The following PEAK1 variants were observed in gnomAD, a reference collection of about 807,000 sequenced individuals.
The protein encoded by PEAK1 is pseudopodium enriched atypical kinase 1, also known as inactive tyrosine-protein kinase PEAK1.
A neutral mutation model predicts 124.7 loss-of-function variants in PEAK1; 54 were observed. The observed-to-expected ratio is 0.43, with a 90% confidence interval of 0.35 to 0.54. The LOEUF (loss-of-function observed/expected upper bound fraction) is 0.54, where lower values mean the gene tolerates loss of function less well. Among genes scored for constraint, PEAK1 ranks in the 20% least tolerant of loss-of-function variants. The pLI is 0.01. For missense variants in PEAK1, 2,046 were observed against 2,134.5 expected (o/e 0.96, Z 0.82); for synonymous variants, 719 against 760.0 (o/e 0.95, Z 0.89).
intron 1 of PEAK1, chr15:77,417,609 G>A (rs1245213132): frequency 1.0e-6 from 1 of 985,206 alleles, no homozygotes; most frequent in Non-Finnish European, 1.2e-6. Flanking sequence ...GCATGCCAGG[G>A]GCCACAGTTT....
chr15:77,320,787 T>C (rs2065156813), intron 2 of PEAK1, among the ~76,000 whole-genome samples: 1 of 152,070 alleles, frequency 6.6e-6, no homozygotes, highest in South Asian at 2.1e-4. Context: ...ATTAGGTACA[T>C]CTCCTAATGC....
At chr15:77,265,170 A>C (rs1482886753) in intron 5 of PEAK1, among the ~76,000 whole-genome samples, 3 of 151,682 alleles carry the variant, frequency 2.0e-5, no homozygotes, top group Admixed American at 2.0e-4. Flanking sequence ...AAACCCAGGC[A>C]TTACCATTCA....
At position 77,181,628 on chromosome 15, in the gene PEAK1, A is replaced by T. The variant is rs1415174938; in HGVS notation, c.299T>A (p.Val100Asp). Residue 100 changes from valine (V) to aspartate (D), a missense_variant, in exon 7 of 10, where the codon GTC becomes GAC. Transcript: ENST00000682557. ...TCTGTTTCGGTTCCACCCTATGATG[A>T]CAGGTTTGTTCTCACAGTGTTCTTG... Reference protein sequence around the residue: ...SIQEHCENKPVIIGWNRNRAA... With the variant: ...SIQEHCENKPDIIGWNRNRAA... The T allele has an allele frequency of 1.2e-6, 2 of 1,614,088 alleles. No individual in the cohort carries two copies. The highest frequency in any genetic ancestry group is 1.7e-6 in the Non-Finnish European group (2 of 1,180,008).
chr15:77,364,146 C>G (rs939183548), intron 2 of PEAK1, among the ~76,000 whole-genome samples: 1 of 152,112 alleles, frequency 6.6e-6, no homozygotes, highest in African/African-American at 2.4e-5. Context: ...TTGCGGTGAA[C>G]CAAGATGTTG....
At chr15:77,308,709 G>A (rs1441743524) in intron 2 of PEAK1, among the ~76,000 whole-genome samples, 4 of 152,070 alleles carry the variant, frequency 2.6e-5, no homozygotes, top group Non-Finnish European at 4.4e-5. Context: ...AAGCATCTCT[G>A]TTTCACTTCA....
intron 6 of PEAK1, among the ~76,000 whole-genome samples, chr15:77,205,679 G>A (rs1033160056): frequency 3.9e-5 from 6 of 152,094 alleles, no homozygotes; most frequent in African/African-American, 1.4e-4. Context: ...TAGTGTATAT[G>A]CTATTAAATT....
chr15:77,216,392 G>A (rs768886430), intron 6 of PEAK1, among the ~76,000 whole-genome samples: 5 of 152,192 alleles, frequency 3.3e-5, no homozygotes, highest in African/African-American at 9.7e-5. Context: ...AAGGTGTTAA[G>A]AAGAATAAGA....
At chr15:77,418,742 A>T in intron 1 of PEAK1, 1 of 985,412 alleles carries the variant, frequency 1.0e-6, no homozygotes, top group Non-Finnish European at 1.2e-6. Context: ...ACCCCGGTGG[A>T]TAATTCACGT....
chr15:77,164,909 T>C (rs1046997804), intron 7 of PEAK1, among the ~76,000 whole-genome samples: 5 of 151,666 alleles, frequency 3.3e-5, no homozygotes, highest in African/African-American at 4.8e-5. Flanking sequence ...TTCTTTCTTT[T>C]TTTTTTTTTT....
intron 1 of PEAK1, among the ~76,000 whole-genome samples, chr15:77,376,904 C>G (rs1445971829): frequency 6.6e-6 from 1 of 152,186 alleles, no homozygotes; most frequent in Admixed American, 6.5e-5. Flanking sequence ...GGGATACATT[C>G]TGAGAAATTC....
intron 9 of PEAK1, among the ~76,000 whole-genome samples, chr15:77,122,087 C>CA (rs1266396522): frequency 6.6e-6 from 1 of 152,090 alleles, no homozygotes; most frequent in Non-Finnish European, 1.5e-5. Flanking sequence ...AGCTAAGACC[C>CA]ACACACACTC....
chr15:77,275,089 C>T (rs1289834115), intron 5 of PEAK1, among the ~76,000 whole-genome samples: 1 of 152,190 alleles, frequency 6.6e-6, no homozygotes, highest in Non-Finnish European at 1.5e-5. Flanking sequence ...ATAGTATGTT[C>T]TCACTCATAA....
At chr15:77,246,434 G>A (rs2060591945) in intron 6 of PEAK1, among the ~76,000 whole-genome samples, 1 of 152,108 alleles carries the variant, frequency 6.6e-6, no homozygotes, top group Admixed American at 6.5e-5. Flanking sequence ...TGAGGTAGGA[G>A]GATCACTTGA....
intron 8 of PEAK1, among the ~76,000 whole-genome samples, chr15:77,152,097 A>G (rs1160378453): frequency 1.3e-5 from 2 of 152,114 alleles, no homozygotes; most frequent in East Asian, 1.9e-4. Context: ...CATTTTCACG[A>G]TATTGATTCT....
At chr15:77,341,455 G>A (rs149201485) in intron 2 of PEAK1, among the ~76,000 whole-genome samples, 12 of 151,900 alleles carry the variant, frequency 7.9e-5, no homozygotes, top group Non-Finnish European at 1.3e-4. Context: ...AGCTGAGATC[G>A]TGCCACTGCA....
intron 1 of PEAK1, among the ~76,000 whole-genome samples, chr15:77,383,709 G>A (rs1357436594): frequency 6.6e-6 from 1 of 152,106 alleles, no homozygotes; most frequent in African/African-American, 2.4e-5. Flanking sequence ...CCAAATTAAT[G>A]GTTCTAATAA....
chr15:77,181,837 G>A lies in PEAK1; in HGVS notation c.90C>T (p.Pro30=), dbSNP rs763006681. ...CFKPKSLHQL[P]PDPEKAPITH... ...TGATGGGTGCCTTCTCAGGGTCTGG[G>A]GGAAGCTGGTGCAAACTTTTAGGTT... Residue 30 remains proline (P), a synonymous_variant, in exon 7 of 10, where the codon CCC becomes CCT. Coordinates refer to ENST00000682557, the MANE Select transcript of PEAK1 (RefSeq NM_001385026.1). The A allele has an allele frequency of 7.4e-6, 12 of 1,613,558 alleles. No homozygotes were observed. Among genetic ancestry groups the A allele is most frequent in the Non-Finnish European group, 8.5e-6 (10 of 1,179,694 alleles).
At chr15:77,235,292 C>T (rs2060070963) in intron 6 of PEAK1, among the ~76,000 whole-genome samples, 1 of 151,888 alleles carries the variant, frequency 6.6e-6, no homozygotes, top group Non-Finnish European at 1.5e-5. Flanking sequence ...GTTTGGAGGG[C>T]TCAGAAGAGG....
chr15:77,361,445 A>T (rs970733641), intron 2 of PEAK1, among the ~76,000 whole-genome samples: 2 of 152,110 alleles, frequency 1.3e-5, no homozygotes, highest in African/African-American at 4.8e-5. Flanking sequence ...TCTCAGAAAA[A>T]CCAAAAACAA....
Sources: allele counts gnomAD v4.1 joint callset (sites outside exome capture counted in the v4.1 genomes callset), GRCh38; gene constraint gnomAD v4.1.1; transcripts MANE v1.5; gene names NCBI Gene and HGNC (gene_info 2026-07-23, HGNC 2026-07-21).